The following GLIS3 variants were observed in gnomAD, a reference collection of about 807,000 sequenced individuals.
GLIS3 encodes GLIS family zinc finger 3, also known as zinc finger protein GLIS3.
GLIS3 carries 53 observed loss-of-function variants against 78.6 expected under a neutral mutation model. That is an observed-to-expected ratio of 0.67 (90% CI 0.54 to 0.85). The LOEUF is 0.85. Among genes scored for constraint, GLIS3 ranks in the 40% least tolerant of loss-of-function variants. The probability of loss-of-function intolerance (pLI) is 0.00; values close to 1 mark genes in which losing one functional copy is unlikely to be tolerated. For synonymous variants in GLIS3, 684 were observed against 509.9 expected, an observed-to-expected ratio of 1.34 and a Z score of -4.60; for missense variants, 1,703 against 1,231.1, an observed-to-expected ratio of 1.38 and a Z score of -5.74.
At position 3,826,371 on chromosome 9, in the gene GLIS3, C is replaced by G. The variant is rs755453024; in HGVS notation, c.*1901G>C. 2.6e-5 allele frequency: 4 copies of G among 152,148 alleles called. No homozygotes were observed. The highest frequency in any genetic ancestry group is 4.4e-5 in the Non-Finnish European group (3 of 68,022). 9.4% of individuals were successfully genotyped at this position (152,148 alleles called of 1,614,324 possible). The stretch of plus-strand genomic sequence containing the variant: ...CACTTGTTTAGGCCAAGTGACACGA[C>G]CCACAAAGTCTGCAGGAAGGGTGGT... On this transcript the variant is annotated 3_prime_UTR_variant, in exon 11 of 11. Transcript: ENST00000381971.
At chr9:4,085,242 T>C (rs1388655659) in intron 4 of GLIS3, among the ~76,000 whole-genome samples, 1 of 149,562 alleles carries the variant, frequency 6.7e-6, no homozygotes, top group East Asian at 2.0e-4. Context: ...AATCAATCAG[T>C]TTGCCTCTAT....
intron 2 of GLIS3, among the ~76,000 whole-genome samples, chr9:4,225,563 A>G (rs1004539937): frequency 2.6e-5 from 4 of 152,230 alleles, no homozygotes; most frequent in African/African-American, 7.2e-5. Flanking sequence ...TTGAGTCACT[A>G]TAACTAGTAA....
rs1824658418 is a variant in GLIS3 at position 3,918,388 on chromosome 9, A to G, written c.1983+13972T>C. On this transcript the variant is annotated intron_variant, in intron 6 of 10. Transcript: ENST00000381971. ...TTCAAAGATGCTTTGAAAAACCATG[A>G]CAGTGTCTCCCTCCTGATCAAAAGG... 2.6e-5 allele frequency among the ~76,000 whole-genome samples: 4 copies of G among 152,282 alleles called. No homozygotes were observed. In the South Asian group the frequency reaches 8.3e-4, roughly 32 times the overall value.
At chr9:4,126,526 T>G (rs981831908) in intron 2 of GLIS3, among the ~76,000 whole-genome samples, 2 of 152,210 alleles carry the variant, frequency 1.3e-5, no homozygotes, top group African/African-American at 4.8e-5. Flanking sequence ...AAAATGCTCA[T>G]TTGAAAAACA....
chr9:3,898,547 G>C (rs1402865640), intron 7 of GLIS3, 144 bp downstream of exon 7: 1 of 847,682 alleles, frequency 1.2e-6, no homozygotes, highest in Non-Finnish European at 2.0e-6. Context: ...GAATCAGAAG[G>C]GGTGGAGAGC....
intron 4 of GLIS3, among the ~76,000 whole-genome samples, chr9:4,106,808 GAGC>G (rs1830788428): frequency 6.6e-6 from 1 of 152,156 alleles, no homozygotes; most frequent in Non-Finnish European, 1.5e-5. Flanking sequence ...CCTTGATAAT[GAGC>G]AGATCTCCCT....
rs370233140 is a variant in GLIS3, at chr9:3,849,338, G to C, written c.2473+6671C>G. Among the ~76,000 whole-genome samples, 4 of 152,172 alleles carry C rather than the reference G, an allele frequency of 2.6e-5. No individual in the cohort carries two copies. In the East Asian group the frequency reaches 7.7e-4, roughly 29 times the overall value. ...GCCTATCCAGTAAAAACTGTGAACG[G>C]AATCTCCGTTTTGTTAAGTATGGCA... On this transcript the variant is annotated intron_variant, in intron 9 of 10. Transcript: ENST00000381971.
chr9:4,383,398 T>C, the GLIS3 span, among the ~76,000 whole-genome samples: 3 of 152,256 alleles, frequency 2.0e-5, no homozygotes, highest in East Asian at 1.9e-4. Flanking sequence ...ACTTAAATTA[T>C]TCTTGATTCA....
chr9:4,078,278 T>C (rs1181230743), intron 4 of GLIS3, among the ~76,000 whole-genome samples: 4 of 152,158 alleles, frequency 2.6e-5, no homozygotes, highest in African/African-American at 9.7e-5. Context: ...TTGGCTAAAA[T>C]GGAGGTATGG....
intron 2 of GLIS3, among the ~76,000 whole-genome samples, chr9:4,313,856 T>C (rs1351714336): frequency 6.6e-6 from 1 of 152,206 alleles, no homozygotes; most frequent in African/African-American, 2.4e-5. Flanking sequence ...TCAGCGTGCA[T>C]GGTCTTTTAC....
intron 2 of GLIS3, among the ~76,000 whole-genome samples, chr9:4,203,778 A>G (rs1819613044): frequency 6.6e-6 from 1 of 152,214 alleles, no homozygotes; most frequent in South Asian, 2.1e-4. Context: ...ACACAGCCAT[A>G]AAAAAGAACA....
chr9:3,926,240 T>TG (rs1825232431), intron 6 of GLIS3, among the ~76,000 whole-genome samples: 1 of 149,786 alleles, frequency 6.7e-6, no homozygotes, highest in African/African-American at 2.4e-5. Context: ...TTTGTTTTTT[T>TG]TTTTTTCTTT....
At chr9:4,452,023 T>G in the GLIS3 span, among the ~76,000 whole-genome samples, 17 of 152,150 alleles carry the variant, frequency 1.1e-4, no homozygotes, top group Non-Finnish European at 2.1e-4. Context: ...TCAACATTCA[T>G]GAATCAATAG....
the GLIS3 span, among the ~76,000 whole-genome samples, chr9:4,408,524 C>G: frequency 1.2e-4 from 18 of 151,024 alleles, no homozygotes; most frequent in South Asian, 3.1e-3. Context: ...GTCAGGAGAT[C>G]GAGACCATCC....
upstream of GLIS3, among the ~76,000 whole-genome samples, chr9:4,350,179 C>T (rs760018669): frequency 6.6e-5 from 10 of 152,170 alleles, no homozygotes; most frequent in Non-Finnish European, 1.5e-4. Context: ...GGCCCAGTGG[C>T]GATGGGAGAC....
intron 2 of GLIS3, among the ~76,000 whole-genome samples, chr9:4,134,313 G>C (rs1833230156): frequency 1.3e-5 from 2 of 152,060 alleles, no homozygotes; most frequent in African/African-American, 2.4e-5. Flanking sequence ...AACTGGCAAG[G>C]CTTCCTTTAA....
At chr9:4,375,153 G>C in the GLIS3 span, among the ~76,000 whole-genome samples, 1 of 152,114 alleles carries the variant, frequency 6.6e-6, no homozygotes, top group Admixed American at 6.5e-5. Flanking sequence ...AAATGAATTT[G>C]GAATTCTTTC....
chr9:4,375,795 A>G, the GLIS3 span, among the ~76,000 whole-genome samples: 7 of 152,130 alleles, frequency 4.6e-5, no homozygotes, highest in African/African-American at 1.2e-4. Flanking sequence ...CTTCTAAAAC[A>G]CTAGTACTTG....
At chr9:3,869,675 C>G (rs1050752412) in intron 8 of GLIS3, among the ~76,000 whole-genome samples, 19 of 152,314 alleles carry the variant, frequency 1.2e-4, no homozygotes, top group Admixed American at 3.3e-4. Flanking sequence ...CCAATGACCT[C>G]TTGCTTCTTA....
Sources: gnomAD v4.1 joint callset for allele counts (sites outside exome capture counted in the v4.1 genomes callset) on GRCh38, gnomAD v4.1.1 for gene constraint, MANE v1.5 for transcripts, NCBI Gene and HGNC (gene_info 2026-07-23, HGNC 2026-07-21) for gene names.